Variants in MATN3 observed in about 807,000 individuals in gnomAD.
The protein encoded by MATN3 is matrilin-3.
MATN3 carries 48 observed loss-of-function variants against 45.3 expected under a neutral mutation model. The ratio of observed to expected loss-of-function variants is 1.06; its 90% CI spans 0.84 to 1.35. The LOEUF is 1.35. Among genes scored for constraint, MATN3 ranks in the 40% most tolerant of loss-of-function variants. The pLI is 0.00. For synonymous variants in MATN3, 217 were observed against 245.9 expected, an observed-to-expected ratio of 0.88 and a Z score of 1.10; for missense variants, 599 against 628.0, an observed-to-expected ratio of 0.95 and a Z score of 0.49.
chr2:19,999,895 G>A (rs897391616), intron 5 of MATN3, among the ~76,000 whole-genome samples: 2 of 152,154 alleles, frequency 1.3e-5, no homozygotes, highest in Non-Finnish European at 2.9e-5. Context: ...ATTGGCCAAC[G>A]TATAAGGCTG....
chr2:20,006,279 C>A lies in MATN3; in HGVS notation c.255G>T (p.Val85=), dbSNP rs904177681. Residue 85 remains valine (V), a synonymous_variant, in exon 2 of 8, where the codon GTG becomes GTT. Transcript: ENST00000407540. ...GVCKSRPLDL[V]FIIDSSRSVR... is the part of the protein sequence containing the mutation. ...CGCTACGAGAACTATCAATGATAAACACCAGGTCCAAGGGTCTGCTCTTGC... is the reference window on the plus strand; with the variant it reads ...CGCTACGAGAACTATCAATGATAAAAACCAGGTCCAAGGGTCTGCTCTTGC... 6 of 1,590,150 alleles carry A rather than the reference C, an allele frequency of 3.8e-6. No homozygotes were observed. Among genetic ancestry groups the A allele is most frequent in the East Asian group, 2.2e-5 (1 of 44,544 alleles).
Position 20,012,339 on chromosome 2 carries a change from C to A in MATN3, c.223+70G>T. 6.0e-6 allele frequency: 7 copies of A among 1,161,686 alleles called. No homozygotes were observed. The highest frequency in any genetic ancestry group is 5.4e-6 in the Non-Finnish European group (5 of 926,118). The allele number at this position is 1,161,686 out of a possible 1,614,324, so 72.0% of individuals were successfully genotyped here. A position where few individuals can be genotyped will look rare whatever the true frequency, so the allele number is the denominator to read the frequency against. On this transcript the variant is annotated intron_variant, in intron 1 of 7. Transcript: ENST00000407540. This position sits in a 1 kb window ranked among gnomAD's most constrained non-coding sequence, Gnocchi z 4.3. The stretch of plus-strand genomic sequence containing the variant: ...CGGTCGGCCTGAGGCCGGGATGAAG[C>A]GCGCTTGGTGGATGCCCTGGGCTTC...
At chr2:20,002,187 C>CAT in intron 3 of MATN3, 107 bp from the exon 4 acceptor site, 1 of 896,764 alleles carries the variant, frequency 1.1e-6, no homozygotes, top group East Asian at 3.0e-5. Flanking sequence ...CACACACACA[C>CAT]ACACAGAGCT....
chr2:20,000,403 A>C (rs1346599826), intron 5 of MATN3, 38 bp downstream of exon 5: 15 of 1,569,054 alleles, frequency 9.6e-6, no homozygotes, highest in Admixed American at 7.9e-5. Context: ...TTCATGTGAA[A>C]GACCCAAGTA....
chr2:19,999,158 ACTAT>A (rs1223952670), intron 5 of MATN3: 1 of 152,108 alleles, frequency 6.6e-6, no homozygotes, highest in Non-Finnish European at 1.5e-5. Context: ...TTTATTCCAT[ACTAT>A]CTGTTAGTTT....
In MATN3 at chr2:20,011,205, G is replaced by A. The variant is rs973972346; in HGVS notation, c.223+1204C>T. Among the ~76,000 whole-genome samples, 6 of 152,208 alleles carry A rather than the reference G, an allele frequency of 3.9e-5. No homozygotes were observed. In the East Asian group the frequency reaches 1.2e-3, roughly 29 times the overall value. On this transcript the variant is annotated intron_variant, in intron 1 of 7. Coordinates refer to ENST00000407540, the MANE Select transcript of MATN3 (RefSeq NM_002381.5). ...GTAATGAAAGACCAGTAAAGCTTAG[G>A]GGGACATGGCCACCTGGTGCTGAAT...
rs1254894042 is a variant in MATN3, at chr2:19,993,485, CTTTG to C, written c.1406-323_1406-320del. 4.6e-5 allele frequency among the ~76,000 whole-genome samples: 7 copies of C among 152,180 alleles called. No individual in the cohort carries two copies. The East Asian group carries it at 5.8e-4, about 13-fold the overall frequency. On this transcript the variant is annotated intron_variant, in intron 7 of 7. Transcript: ENST00000407540. ...GATTAAAGGGATAGTTGGATTGTCC[CTTTG>C]TTTGGCTATCTCAAGATTCTGCTGT...
At position 20,001,610 on chromosome 2, in the gene MATN3, T is replaced by A. The variant is rs1031078160; in HGVS notation, c.1042+345A>T. Among the ~76,000 whole-genome samples the A allele has an allele frequency of 6.6e-5, 10 of 152,192 alleles. No individual in the cohort carries two copies. The East Asian group carries it at 1.9e-3, about 29-fold the overall frequency. ...CTTTGATCACTTAGTTAAGGTGATG[T>A]CTGCCAGTTTCTCCACTATAAAGTT... On this transcript the variant is annotated intron_variant, in intron 4 of 7. Transcript: ENST00000407540.
chr2:19,994,394 C>T lies in MATN3; in HGVS notation c.1310G>A (p.Arg437Gln), dbSNP rs932819226. 20 of 1,610,038 alleles carry T rather than the reference C, an allele frequency of 1.2e-5. No homozygotes were observed. The highest frequency in any genetic ancestry group is 4.0e-5 in the African/African-American group (3 of 74,980). ...KKTCSATEEA[R>Q]RLVSTEDACG... ...AGCATCTTCAGTGGAAACAAGTCTT[C>T]GTGCTTCCTCAGTGGCTGAAGACAA... Residue 437 changes from arginine (R) to glutamine (Q), a missense_variant, in exon 7 of 8, where the codon CGA (arginine) becomes CAA (glutamine). Coordinates refer to ENST00000407540, the MANE Select transcript of MATN3 (RefSeq NM_002381.5).
At chr2:19,999,460 G>T (rs1250327366) in intron 5 of MATN3, among the ~76,000 whole-genome samples, 1 of 151,916 alleles carries the variant, frequency 6.6e-6, no homozygotes, top group South Asian at 2.1e-4. Context: ...GTTTCCATCA[G>T]TCCCTCTCCC....
chr2:20,007,829 T>G (rs1160646494), intron 1 of MATN3, among the ~76,000 whole-genome samples: 4 of 152,246 alleles, frequency 2.6e-5, no homozygotes, highest in African/African-American at 4.8e-5. Flanking sequence ...AGTATCACAG[T>G]ACATTTTAGT....
At position 20,006,070 on chromosome 2, in the gene MATN3, G is replaced by C. The variant is rs1399802163; in HGVS notation, c.464C>G (p.Pro155Arg). 1.2e-6 allele frequency: 2 copies of C among 1,613,852 alleles called. No individual in the cohort carries two copies. The highest frequency in any genetic ancestry group is 2.2e-5 in the East Asian group (1 of 44,884). The change falls in exon 2 of 8, where the codon CCC becomes CGC. Residue 155 changes from proline (P) to arginine (R), a missense_variant. By Grantham distance (103) the Pro-to-Arg change is moderately radical. Transcript: ENST00000407540. ...GCCTGACATGGTGCCTGTTGACAAG[G>C]GTGTGATTCGACCCACGGCCTGCTT... is the stretch of plus-strand genomic sequence containing the variant. ...SLKQAVGRIT[P>R]LSTGTMSGLA...
intron 6 of MATN3, among the ~76,000 whole-genome samples, chr2:19,996,111 C>T (rs150734145): frequency 5.8e-4 from 89 of 152,206 alleles, no homozygotes; most frequent in Middle Eastern, 3.4e-3. Context: ...TACAACACTT[C>T]ATAGAAAATT....
At chr2:20,002,365 T>A (rs949398427) in intron 3 of MATN3, among the ~76,000 whole-genome samples, 4 of 152,208 alleles carry the variant, frequency 2.6e-5, no homozygotes, top group African/African-American at 9.6e-5. Context: ...AAAAACTTTT[T>A]TCTAGGATTA....
chr2:20,009,139 C>A (rs754244975), intron 1 of MATN3, among the ~76,000 whole-genome samples: 1 of 150,894 alleles, frequency 6.6e-6, no homozygotes, highest in African/African-American at 2.4e-5. Context: ...GCAGGAGGAT[C>A]GCTTAAAGCT....
At chr2:20,002,502 G>A (rs1673005397) in intron 3 of MATN3, among the ~76,000 whole-genome samples, 1 of 152,158 alleles carries the variant, frequency 6.6e-6, no homozygotes, top group Non-Finnish European at 1.5e-5. Context: ...TCTATGACTA[G>A]AGAGGAAGAG....
At chr2:20,000,614 T>G (rs768088352) in intron 4 of MATN3, 48 bp from the exon 5 acceptor site, 1 of 1,568,228 alleles carries the variant, frequency 6.4e-7, no homozygotes, top group African/African-American at 1.4e-5. Context: ...TGGAAAAGTA[T>G]TTTATTACCC....
rs56100312 is a variant in MATN3, at chr2:19,999,626, TAAAAAAAA to T, written c.1168+807_1168+814del. Among the ~76,000 whole-genome samples, 414 of 120,174 alleles carry T rather than the reference TAAAAAAAA, an allele frequency of 3.4e-3. 1 individual carries two copies. Among genetic ancestry groups the T allele is most frequent in the African/African-American group, 0.012 (364 of 30,922 alleles). The allele number at this position is 120,174 out of a possible 152,430, so 78.8% of individuals were successfully genotyped here. On this transcript the variant is annotated intron_variant, in intron 5 of 7. Transcript: ENST00000407540. ...CGGTATTTTTTTACTGGTTTCCCTT[TAAAAAAAA>T]AAAAAAAAAAAAAAAAGAGGGGACT... is the stretch of plus-strand genomic sequence containing the variant.
chr2:20,010,381 A>C (rs1251402654), intron 1 of MATN3, among the ~76,000 whole-genome samples: 2 of 152,148 alleles, frequency 1.3e-5, no homozygotes, highest in Non-Finnish European at 2.9e-5. Context: ...TGTGGTATGC[A>C]GAATAATGTC....
Sources: gnomAD v4.1 joint callset for allele counts (sites outside exome capture counted in the v4.1 genomes callset) on GRCh38, gnomAD v4.1.1 for gene constraint, Gnocchi (gnomAD v3.1) non-coding constraint, MANE v1.5 for transcripts, NCBI Gene and HGNC (gene_info 2026-07-23, HGNC 2026-07-21) for gene names.